CCDC102B: variants seen among roughly 807,000 people sequenced by gnomAD.
CCDC102B encodes coiled-coil domain-containing protein 102B.
Under a neutral mutation model 57.4 loss-of-function variants are expected in CCDC102B, and 75 were observed. The ratio of observed to expected loss-of-function variants is 1.31; its 90% CI spans 1.08 to 1.58. The LOEUF (loss-of-function observed/expected upper bound fraction) is 1.58, where lower values mean the gene tolerates loss of function less well. CCDC102B is among the 40% of genes most tolerant of loss of function. The pLI, the probability that CCDC102B is intolerant of heterozygous loss-of-function variation, is 0.00. For synonymous variants in CCDC102B, 206 were observed against 201.9 expected (o/e 1.02, Z -0.17); for missense variants, 636 against 582.6 (o/e 1.09, Z -0.94).
At chr18:68,976,925 A>G (rs2050453599) in intron 6 of CCDC102B, among the ~76,000 whole-genome samples, 2 of 152,116 alleles carry the variant, frequency 1.3e-5, no homozygotes, top group South Asian at 2.1e-4. Context: ...TAATTAATTT[A>G]GAGATTGGAT....
intron 2 of CCDC102B, among the ~76,000 whole-genome samples, chr18:68,760,954 G>GA (rs111548446): frequency 4.0e-5 from 6 of 151,684 alleles, no homozygotes; most frequent in South Asian, 2.1e-4. Context: ...GCAGGCAAAA[G>GA]AAAAAAAATT....
At chr18:68,844,468 G>A (rs562222153) in intron 3 of CCDC102B, among the ~76,000 whole-genome samples, 1 of 151,664 alleles carries the variant, frequency 6.6e-6, no homozygotes, top group South Asian at 2.1e-4. Context: ...TCCTACACAA[G>A]AAAATCTAAA....
intron 2 of CCDC102B, among the ~76,000 whole-genome samples, chr18:68,717,076 CAAAA>C (rs762558435): frequency 1.9e-5 from 2 of 103,220 alleles, no homozygotes; most frequent in South Asian, 6.5e-4. Flanking sequence ...GACTCTGTTT[CAAAA>C]AAAAAAAAAA....
At chr18:68,788,994 T>G (rs2035323024) in intron 2 of CCDC102B, among the ~76,000 whole-genome samples, 1 of 152,236 alleles carries the variant, frequency 6.6e-6, no homozygotes, top group African/African-American at 2.4e-5. Context: ...TGTTTAGTGC[T>G]TCCTTCAGGA....
chr18:68,911,774 A>AAAAAAAAAAAAT, intron 6 of CCDC102B, among the ~76,000 whole-genome samples: 1 of 144,626 alleles, frequency 6.9e-6, no homozygotes, highest in African/African-American at 2.5e-5. Context: ...AAAAAAAAAA[A>AAAAAAAAAAAAT]AGATCAGAAA....
chr18:68,988,803 G>T (rs1407372598), intron 6 of CCDC102B, among the ~76,000 whole-genome samples: 1 of 152,196 alleles, frequency 6.6e-6, no homozygotes. Flanking sequence ...GTTTGGAAAA[G>T]ATTGAAATCA....
chr18:68,936,857 CAT>C (rs2049255760), intron 6 of CCDC102B, among the ~76,000 whole-genome samples: 2 of 150,536 alleles, frequency 1.3e-5, no homozygotes, highest in African/African-American at 2.5e-5. Context: ...TATATATACA[CAT>C]ATACACACAC....
At position 69,054,435 on chromosome 18, in the gene CCDC102B, A is replaced by G; in HGVS notation, c.*298A>G. 9.5e-7 allele frequency: 1 copy of G among 1,048,652 alleles called. No homozygotes were observed. The highest frequency in any genetic ancestry group is 1.1e-6 in the Non-Finnish European group (1 of 871,920). The allele number at this position is 1,048,652 out of a possible 1,614,324, so 65.0% of individuals were successfully genotyped here. ...TTTTTACATAAAATCTGAAAGAGTTATAATATCGGTAAGAAAAAGTAAGTT... is the reference window on the plus strand; with the variant it reads ...TTTTTACATAAAATCTGAAAGAGTTGTAATATCGGTAAGAAAAAGTAAGTT... On this transcript the variant is annotated 3_prime_UTR_variant, in exon 8 of 8. Coordinates refer to ENST00000360242, the MANE Select transcript of CCDC102B (RefSeq NM_024781.3).
chr18:68,899,740 T>G (rs536431562), intron 6 of CCDC102B: 1 of 152,252 alleles, frequency 6.6e-6, no homozygotes, highest in East Asian at 1.9e-4. Flanking sequence ...CAATAAAAAT[T>G]TTATAAGTCC....
intron 6 of CCDC102B, among the ~76,000 whole-genome samples, chr18:68,966,232 A>G (rs1296220844): frequency 6.6e-6 from 1 of 152,104 alleles, no homozygotes; most frequent in East Asian, 1.9e-4. Context: ...TATTGGGTCT[A>G]CTGGTAATCC....
intron 4 of CCDC102B, among the ~76,000 whole-genome samples, chr18:68,849,482 G>A (rs1051302501): frequency 2.0e-5 from 3 of 151,864 alleles, no homozygotes; most frequent in African/African-American, 4.8e-5. Flanking sequence ...CTACTTCCCC[G>A]GACAGGGCCA....
chr18:68,731,444 C>T (rs867052481), intron 2 of CCDC102B, among the ~76,000 whole-genome samples: 18 of 152,096 alleles, frequency 1.2e-4, no homozygotes, highest in Middle Eastern at 3.4e-3. Flanking sequence ...TCCTTTCCTT[C>T]CCCCGACTTG....
intron 1 of CCDC102B, among the ~76,000 whole-genome samples, chr18:68,813,387 G>C (rs565833584): frequency 6.6e-6 from 1 of 152,036 alleles, no homozygotes; most frequent in South Asian, 2.1e-4. Flanking sequence ...AATACAGGAG[G>C]CCAGAGAGAT....
chr18:68,997,821 ATTATAAT>A (rs2051071949), intron 6 of CCDC102B, among the ~76,000 whole-genome samples: 1 of 130,092 alleles, frequency 7.7e-6, no homozygotes, highest in Non-Finnish European at 1.7e-5. Context: ...TATTAATTTA[ATTATAAT>A]TTATCATTTA....
intron 6 of CCDC102B, among the ~76,000 whole-genome samples, chr18:68,967,563 A>G (rs2050196410): frequency 6.6e-6 from 1 of 152,158 alleles, no homozygotes; most frequent in Non-Finnish European, 1.5e-5. Flanking sequence ...TACATGTTAG[A>G]CACTTACTGT....
intron 1 of CCDC102B, among the ~76,000 whole-genome samples, chr18:68,824,696 A>AATAACAAT (rs2036835329): frequency 6.6e-6 from 1 of 152,212 alleles, no homozygotes; most frequent in African/African-American, 2.4e-5. Flanking sequence ...AATGTGCACA[A>AATAACAAT]GTTGTTATTT....
chr18:69,034,226 C>A (rs1240299878), intron 7 of CCDC102B, among the ~76,000 whole-genome samples: 1 of 151,726 alleles, frequency 6.6e-6, no homozygotes, highest in Non-Finnish European at 1.5e-5. Context: ...CTGATTAAGT[C>A]CAGTTTGTTT....
intron 1 of CCDC102B, among the ~76,000 whole-genome samples, chr18:68,808,767 A>C (rs556824745): frequency 1.2e-4 from 19 of 152,212 alleles, no homozygotes; most frequent in East Asian, 5.8e-4. Flanking sequence ...CGTGAGCCAC[A>C]GCGCCCGGCT....
intron 6 of CCDC102B, among the ~76,000 whole-genome samples, chr18:68,905,551 G>A (rs2145049789): frequency 7.1e-6 from 1 of 140,918 alleles, no homozygotes; most frequent in Non-Finnish European, 1.5e-5. Context: ...TGAACATTTA[G>A]TGGTATTTAG....
Sources: gnomAD v4.1 joint callset for allele counts (sites outside exome capture counted in the v4.1 genomes callset) on GRCh38, gnomAD v4.1.1 for gene constraint, MANE v1.5 for transcripts, NCBI Gene and HGNC (gene_info 2026-07-23, HGNC 2026-07-21) for gene names.